Variants in CNTNAP2 observed in about 807,000 individuals in gnomAD.
The protein encoded by CNTNAP2 is contactin-associated protein-like 2.
CNTNAP2 carries 98 observed loss-of-function variants against 155.2 expected under a neutral mutation model. The ratio of observed to expected loss-of-function variants is 0.63; its 90% CI spans 0.54 to 0.75. The LOEUF is 0.75. Ranked by LOEUF, CNTNAP2 falls within the 30% of genes least tolerant of loss-of-function variation. CNTNAP2 has a pLI of 0.00. For synonymous variants in CNTNAP2, 651 were observed against 631.2 expected (o/e 1.03, Z -0.47); for missense variants, 1,727 against 1,688.1 (o/e 1.02, Z -0.40).
intron 3 of CNTNAP2, among the ~76,000 whole-genome samples, chr7:146,922,365 A>T (rs1423579286): frequency 6.6e-6 from 1 of 152,022 alleles, no homozygotes; most frequent in Non-Finnish European, 1.5e-5. Flanking sequence ...TTGCATAGTA[A>T]TTCTAAGCCT....
At chr7:148,391,185 G>A (rs971441572) in intron 22 of CNTNAP2, among the ~76,000 whole-genome samples, 1 of 152,068 alleles carries the variant, frequency 6.6e-6, no homozygotes, top group African/African-American at 2.4e-5. Flanking sequence ...TACTCAGTAG[G>A]GATGTAAAGT....
At chr7:147,093,514 C>A (rs1364618861) in intron 4 of CNTNAP2, among the ~76,000 whole-genome samples, 3 of 152,004 alleles carry the variant, frequency 2.0e-5, no homozygotes, top group African/African-American at 7.2e-5. Context: ...ACTGATTTAG[C>A]GAATACTGAA....
At chr7:146,683,261 G>A (rs1800536701) in intron 1 of CNTNAP2, among the ~76,000 whole-genome samples, 1 of 152,106 alleles carries the variant, frequency 6.6e-6, no homozygotes, top group Non-Finnish European at 1.5e-5. Context: ...TCAACCTCCT[G>A]ACCTCAGGTG....
intron 1 of CNTNAP2, among the ~76,000 whole-genome samples, chr7:146,164,044 G>A (rs956348877): frequency 2.0e-5 from 3 of 152,140 alleles, no homozygotes; most frequent in Admixed American, 6.6e-5. Context: ...TTTGTCATAT[G>A]TTTAGGTAGA....
chr7:147,598,293 G>A (rs962683528), intron 12 of CNTNAP2, among the ~76,000 whole-genome samples: 12 of 151,690 alleles, frequency 7.9e-5, no homozygotes, highest in African/African-American at 2.4e-4. Context: ...TTTAAATCCC[G>A]CATGTATTAG....
At chr7:148,265,889 A>G (rs1006036833) in intron 20 of CNTNAP2, among the ~76,000 whole-genome samples, 2 of 152,220 alleles carry the variant, frequency 1.3e-5, no homozygotes, top group African/African-American at 4.8e-5. Flanking sequence ...TGGTGATGCC[A>G]TTTGATCACT....
At position 146,509,225 on chromosome 7, in the gene CNTNAP2, G is replaced by C. The variant is rs140411715; in HGVS notation, c.98-265046G>C. ...ACTCACAGTTTCTGGTATTTCTCTG[G>C]CATAGTCCCACACCATTTGCATGGC... On this transcript the variant is annotated intron_variant, in intron 1 of 23. Coordinates refer to ENST00000361727, the MANE Select transcript of CNTNAP2 (RefSeq NM_014141.6). Among the ~76,000 whole-genome samples, 50 of 152,276 alleles carry C rather than the reference G, an allele frequency of 3.3e-4. No individual in the cohort carries two copies. In the East Asian group the frequency reaches 6.0e-3, roughly 18 times the overall value.
intron 21 of CNTNAP2, among the ~76,000 whole-genome samples, chr7:148,342,066 G>C (rs566855054): frequency 3.9e-5 from 6 of 152,212 alleles, no homozygotes; most frequent in Admixed American, 1.3e-4. Context: ...CTTCTTGTCA[G>C]AATCAACCAA....
At position 147,698,542 on chromosome 7, in the gene CNTNAP2, C is replaced by T. The variant is rs139972863; in HGVS notation, c.2098+59236C>T. Reference sequence around the variant, plus strand: ...ACTTAAGCTTTTCATTTCACTGCTACATTTTATTATTTAAGTCCAAATGAC... The same window carrying T: ...ACTTAAGCTTTTCATTTCACTGCTATATTTTATTATTTAAGTCCAAATGAC... On this transcript the variant is annotated intron_variant, in intron 13 of 23. Coordinates refer to ENST00000361727, the MANE Select transcript of CNTNAP2 (RefSeq NM_014141.6). Among the ~76,000 whole-genome samples the T allele has an allele frequency of 3.3e-5, 5 of 152,270 alleles. No homozygotes were observed. In the East Asian group the frequency reaches 9.7e-4, roughly 29 times the overall value.
chr7:147,297,375 T>C (rs539497265), intron 8 of CNTNAP2, among the ~76,000 whole-genome samples: 20 of 152,282 alleles, frequency 1.3e-4, no homozygotes, highest in African/African-American at 4.6e-4. Flanking sequence ...AATCAAGTGA[T>C]AGAAGACAGA....
At chr7:147,952,117 T>G (rs918918851) in intron 14 of CNTNAP2, among the ~76,000 whole-genome samples, 3 of 151,770 alleles carry the variant, frequency 2.0e-5, no homozygotes, top group African/African-American at 7.3e-5. Context: ...TAGAGCATGT[T>G]TATATCTTAA....
At position 146,223,076 on chromosome 7, in the gene CNTNAP2, T is replaced by C. The variant is rs1006515599; in HGVS notation, c.97+106103T>C. On this transcript the variant is annotated intron_variant, in intron 1 of 23. Transcript: ENST00000361727. ...GCCAGGCACTGTTGTAATCATTTTATACACACTAACTTATTCAATGAACAC... is the reference window on the plus strand; with the variant it reads ...GCCAGGCACTGTTGTAATCATTTTACACACACTAACTTATTCAATGAACAC... Among the ~76,000 whole-genome samples, 4 of 152,272 alleles carry C rather than the reference T, an allele frequency of 2.6e-5. No individual in the cohort carries two copies. In the South Asian group the frequency reaches 8.3e-4, roughly 32 times the overall value.
rs1262809000 is a variant in CNTNAP2, at chr7:146,721,365, TTCTA to T, written c.98-52904_98-52901del. On this transcript the variant is annotated intron_variant, in intron 1 of 23. Coordinates refer to ENST00000361727, the MANE Select transcript of CNTNAP2 (RefSeq NM_014141.6). ...ATTCTATATATACATTCTATATACA[TTCTA>T]TATATACATTCTATATACATTCTAT... Among the ~76,000 whole-genome samples the T allele has an allele frequency of 5.3e-5, 7 of 130,964 alleles. 1 individual carries two copies. In the East Asian group the frequency reaches 1.6e-3, roughly 29 times the overall value. 85.9% of individuals were successfully genotyped at this position (130,964 alleles called of 152,430 possible).
intron 1 of CNTNAP2, among the ~76,000 whole-genome samples, chr7:146,632,313 A>T (rs1252066507): frequency 6.6e-6 from 1 of 152,160 alleles, no homozygotes. Context: ...ATGTGAATAT[A>T]TTTTTGTTAT....
chr7:146,758,920 CA>C (rs1197163013), intron 1 of CNTNAP2, among the ~76,000 whole-genome samples: 1 of 152,108 alleles, frequency 6.6e-6, no homozygotes, highest in African/African-American at 2.4e-5. Context: ...TTGCTTATTT[CA>C]AAAACCTCCT....
intron 9 of CNTNAP2, among the ~76,000 whole-genome samples, chr7:147,355,405 T>C (rs566137921): frequency 1.7e-4 from 26 of 151,710 alleles, no homozygotes; most frequent in African/African-American, 6.0e-4. Flanking sequence ...AGTAAACAAA[T>C]TCAAAAGCCA....
At chr7:146,886,704 G>A (rs1795670449) in intron 3 of CNTNAP2, among the ~76,000 whole-genome samples, 1 of 150,344 alleles carries the variant, frequency 6.7e-6, no homozygotes, top group Non-Finnish European at 1.5e-5. Context: ...AAAATCATCA[G>A]GAAATTTTCA....
Position 147,612,450 on chromosome 7 carries a change from G to C in CNTNAP2, c.1898-26656G>C, listed in dbSNP as rs144777625. Among the ~76,000 whole-genome samples the C allele has an allele frequency of 5.1e-3, 749 of 147,498 alleles. 7 individuals are homozygous for C. Among genetic ancestry groups the C allele is most frequent in the African/African-American group, 0.018 (715 of 39,580 alleles). ...CGGAGTCTTTCTGTTGCCCAGGCTA[G>C]AGTGCAGTGGCCTGATCTCGGCTCA... On this transcript the variant is annotated intron_variant, in intron 12 of 23. Transcript: ENST00000361727.
intron 1 of CNTNAP2, among the ~76,000 whole-genome samples, chr7:146,686,799 C>T (rs778298849): frequency 3.9e-5 from 6 of 152,126 alleles, no homozygotes; most frequent in Non-Finnish European, 8.8e-5. Flanking sequence ...TTTCTATACA[C>T]TACTTTAAAA....
Sources: allele counts gnomAD v4.1 joint callset (sites outside exome capture counted in the v4.1 genomes callset), GRCh38; gene constraint gnomAD v4.1.1; transcripts MANE v1.5; gene names NCBI Gene and HGNC (gene_info 2026-07-23, HGNC 2026-07-21).